ADAM32: variants seen among roughly 807,000 people sequenced by gnomAD.
ADAM32 encodes the protein ADAM metallopeptidase domain 32.
A neutral mutation model predicts 114.9 loss-of-function variants in ADAM32; 89 were observed. The observed-to-expected ratio is 0.77, with a 90% CI of 0.65 to 0.92. The LOEUF (loss-of-function observed/expected upper bound fraction) is 0.92. Among genes scored for constraint, ADAM32 ranks in the 40% least tolerant of loss-of-function variants. The pLI is 0.00. For synonymous variants in ADAM32, 285 were observed against 307.5 expected (o/e 0.93, Z 0.77); for missense variants, 870 against 932.8 (o/e 0.93, Z 0.88).
intron 17 of ADAM32, among the ~76,000 whole-genome samples, chr8:39,247,264 T>G (rs1178055077): frequency 1.3e-5 from 2 of 152,186 alleles, no homozygotes; most frequent in African/African-American, 4.8e-5. Context: ...CTTAGTTTTG[T>G]TAGAAACTGA....
At chr8:39,244,563 C>T (rs543211642) in intron 16 of ADAM32, among the ~76,000 whole-genome samples, 51 of 152,220 alleles carry the variant, frequency 3.4e-4, no homozygotes, top group African/African-American at 1.0e-3. Context: ...ACACCCTATT[C>T]GACAAATGGT....
chr8:39,252,404 A>G (rs1347946213), intron 17 of ADAM32, among the ~76,000 whole-genome samples: 2 of 151,020 alleles, frequency 1.3e-5, no homozygotes, highest in African/African-American at 4.9e-5. Context: ...CTCAAGACAA[A>G]CAAAAAATGA....
At chr8:39,181,212 A>G (rs992068926) in intron 10 of ADAM32, among the ~76,000 whole-genome samples, 3 of 152,184 alleles carry the variant, frequency 2.0e-5, no homozygotes, top group Admixed American at 6.5e-5. Context: ...TTGGGTCCAC[A>G]CTGCTTTTAT....
chr8:39,282,824 A>C (rs1813506970), intron 23 of ADAM32, among the ~76,000 whole-genome samples: 1 of 152,274 alleles, frequency 6.6e-6, no homozygotes, highest in African/African-American at 2.4e-5. Flanking sequence ...TATGTCTATA[A>C]ATACAGATCT....
At position 39,165,060 on chromosome 8, in the gene ADAM32, CT is replaced by C. The variant is rs765338147; in HGVS notation, c.698del (p.Leu233ArgfsTer27). 2.5e-6 allele frequency: 4 copies of C among 1,607,282 alleles called. No individual in the cohort carries two copies. The South Asian group carries it at 4.4e-5, about 18-fold the overall frequency. Reference sequence around the variant, plus strand: ...CACCCAATTTAAAGTTACTATTGTGCTGTCATCATTGGAGTTATGGTCAGAT... The same window carrying C: ...CACCCAATTTAAAGTTACTATTGTGCGTCATCATTGGAGTTATGGTCAGAT... Reference protein sequence around the residue: ...MFTQFKVTIVLSSLELWSDEN... With the variant: ...MFTQFKVTIVXSSLELWSDEN... On this transcript the variant is annotated frameshift_variant, in exon 9 of 25. Transcript: ENST00000379907. LOFTEE classifies it high-confidence loss of function.
At chr8:39,264,621 G>A (rs1055361174) in intron 19 of ADAM32, among the ~76,000 whole-genome samples, 3 of 151,852 alleles carry the variant, frequency 2.0e-5, no homozygotes, top group African/African-American at 7.3e-5. Flanking sequence ...GTTTTTCTAG[G>A]TCTTCTAGGT....
intron 2 of ADAM32, among the ~76,000 whole-genome samples, chr8:39,131,785 C>G (rs530643618): frequency 1.3e-5 from 2 of 152,258 alleles, no homozygotes; most frequent in Non-Finnish European, 2.9e-5. Flanking sequence ...TATAACTTCT[C>G]TTTATGGTTA....
At chr8:39,283,661 A>G in intron 24 of ADAM32, 37 bp downstream of exon 24, 5 of 1,510,472 alleles carry the variant, frequency 3.3e-6, no homozygotes, top group Non-Finnish European at 4.5e-6. Flanking sequence ...AAATAAATAC[A>G]TGTATAAAAT....
At chr8:39,169,774 C>G in intron 9 of ADAM32, 142 bp from the exon 10 acceptor site, 1 of 528,348 alleles carries the variant, frequency 1.9e-6, no homozygotes, top group Non-Finnish European at 3.3e-6. Context: ...AAATTTGAAA[C>G]AATTGAGGAC....
intron 2 of ADAM32, among the ~76,000 whole-genome samples, chr8:39,135,824 C>T (rs572072303): frequency 1.6e-4 from 24 of 152,290 alleles, no homozygotes; most frequent in Admixed American, 1.5e-3. Context: ...AGATGAGGTG[C>T]TCTCCTCATG....
At chr8:39,145,876 G>A (rs1803476005) in intron 3 of ADAM32, among the ~76,000 whole-genome samples, 1 of 151,990 alleles carries the variant, frequency 6.6e-6, no homozygotes. Flanking sequence ...GACCACATGA[G>A]CAGACCACCA....
At chr8:39,223,010 C>T in intron 13 of ADAM32, 30 bp from the exon 14 acceptor site, 2 of 1,500,270 alleles carry the variant, frequency 1.3e-6, no homozygotes, top group East Asian at 2.5e-5. Context: ...ATTTGTAATG[C>T]TTTATTTTTT....
intron 2 of ADAM32, among the ~76,000 whole-genome samples, chr8:39,119,824 T>A (rs896761945): frequency 6.6e-6 from 1 of 152,190 alleles, no homozygotes; most frequent in Non-Finnish European, 1.5e-5. Flanking sequence ...TAACCCCTAA[T>A]GTGACTATAT....
At chr8:39,247,720 T>C (rs540402202) in intron 17 of ADAM32, among the ~76,000 whole-genome samples, 101 of 151,998 alleles carry the variant, frequency 6.6e-4, no homozygotes, top group African/African-American at 2.4e-3. Context: ...ATTTCTTTCA[T>C]AGATTGTGCC....
chr8:39,275,740 T>G, intron 21 of ADAM32, 88 bp from the exon 22 acceptor site: 1 of 1,276,662 alleles, frequency 7.8e-7, no homozygotes, highest in Non-Finnish European at 1.1e-6. Flanking sequence ...TTAACACAGG[T>G]TGTAAAATGA....
rs551477111 is a variant in ADAM32, at chr8:39,263,169, T to C, written c.2162+5826T>C. 1.8e-4 allele frequency among the ~76,000 whole-genome samples: 28 copies of C among 152,350 alleles called. No individual in the cohort carries two copies. The South Asian group carries it at 5.8e-3, about 32-fold the overall frequency. Reference sequence around the variant, plus strand: ...CATGTAATAATCTGTTTGATGGTTATTACTGAATTTTTTTGCTTTATGTTC... The same window carrying C: ...CATGTAATAATCTGTTTGATGGTTACTACTGAATTTTTTTGCTTTATGTTC... On this transcript the variant is annotated intron_variant, in intron 19 of 24. Coordinates refer to ENST00000379907, the MANE Select transcript of ADAM32 (RefSeq NM_145004.7).
At chr8:39,161,079 G>A in intron 7 of ADAM32, 114 bp downstream of exon 7, 1 of 923,842 alleles carries the variant, frequency 1.1e-6, no homozygotes, top group Non-Finnish European at 1.6e-6. Flanking sequence ...ATGTCATAGA[G>A]ACAATAGTGG....
chr8:39,272,477 A>C (rs756788537), intron 20 of ADAM32, among the ~76,000 whole-genome samples: 1 of 152,250 alleles, frequency 6.6e-6, no homozygotes, highest in East Asian at 1.9e-4. Flanking sequence ...GTTATATCCT[A>C]TAACCTTATA....
At chr8:39,243,262 G>C (rs1483838852) in intron 16 of ADAM32, among the ~76,000 whole-genome samples, 1 of 151,992 alleles carries the variant, frequency 6.6e-6, no homozygotes, top group African/African-American at 2.4e-5. Context: ...GAGAAAGAGG[G>C]AATTTTTCCT....
Sources: allele counts gnomAD v4.1 joint callset (sites outside exome capture counted in the v4.1 genomes callset), GRCh38; gene constraint gnomAD v4.1.1; transcripts MANE v1.5; gene names NCBI Gene and HGNC (gene_info 2026-07-23, HGNC 2026-07-21).